The following ARL13B variants were observed in gnomAD, a reference collection of about 807,000 sequenced individuals.
ARL13B encodes the protein ARF like GTPase 13B, also known as ADP-ribosylation factor-like protein 13B.
A neutral mutation model predicts 56.1 loss-of-function variants in ARL13B; 36 were observed. The ratio of observed to expected loss-of-function variants is 0.64; its 90% confidence interval spans 0.49 to 0.85. The LOEUF (loss-of-function observed/expected upper bound fraction) is 0.85, where lower values mean the gene tolerates loss of function less well. Ranked by LOEUF, ARL13B falls within the 40% of genes least tolerant of loss-of-function variation. The probability of loss-of-function intolerance (pLI) is 0.00; values close to 1 mark genes in which losing one functional copy is unlikely to be tolerated. For missense variants in ARL13B, 519 were observed against 507.1 expected (o/e 1.02, Z -0.23); for synonymous variants, 178 against 171.1 (o/e 1.04, Z -0.32).
intron 1 of ARL13B, among the ~76,000 whole-genome samples, chr3:93,985,909 T>C (rs954477183): frequency 5.9e-5 from 9 of 152,214 alleles, no homozygotes; most frequent in Admixed American, 5.9e-4. Flanking sequence ...ATGTTTCTAG[T>C]GGTCTGTTTT....
At chr3:94,038,157 A>C (rs948408899) in intron 5 of ARL13B, among the ~76,000 whole-genome samples, 2 of 152,214 alleles carry the variant, frequency 1.3e-5, no homozygotes, top group East Asian at 3.8e-4. Flanking sequence ...TTGCTTACTA[A>C]TAAATAAAAT....
chr3:94,005,924 G>A (rs2076126517), intron 3 of ARL13B, among the ~76,000 whole-genome samples: 1 of 151,990 alleles, frequency 6.6e-6, no homozygotes, highest in Admixed American at 6.6e-5. Context: ...TACCATCCAG[G>A]GCCAGCCACC....
intron 3 of ARL13B, among the ~76,000 whole-genome samples, chr3:94,011,141 T>C (rs1450478319): frequency 6.6e-6 from 1 of 152,152 alleles, no homozygotes; most frequent in Non-Finnish European, 1.5e-5. Flanking sequence ...TTTTGTATTG[T>C]TTATGAAATA....
At chr3:94,034,355 C>G (rs2076731050) in intron 3 of ARL13B, among the ~76,000 whole-genome samples, 1 of 151,788 alleles carries the variant, frequency 6.6e-6, no homozygotes, top group Non-Finnish European at 1.5e-5. Context: ...CCTAAAGAGT[C>G]TGTCAAACTT....
intron 5 of ARL13B, among the ~76,000 whole-genome samples, chr3:94,038,370 A>G (rs1185295315): frequency 6.6e-6 from 1 of 152,128 alleles, no homozygotes; most frequent in Non-Finnish European, 1.5e-5. Flanking sequence ...GGTTCATAAT[A>G]AAAGGATATG....
chr3:94,003,487 A>G (rs1036939018), intron 2 of ARL13B, among the ~76,000 whole-genome samples, 172 bp from the exon 3 acceptor site: 4 of 152,180 alleles, frequency 2.6e-5, no homozygotes, highest in Non-Finnish European at 5.9e-5. Context: ...GCATGGAGTA[A>G]AATTTCTAGT....
chr3:94,019,882 C>A (rs1383969220), intron 3 of ARL13B, among the ~76,000 whole-genome samples: 2 of 152,162 alleles, frequency 1.3e-5, no homozygotes, highest in African/African-American at 2.4e-5. Context: ...AGTGTTCTTT[C>A]CCATGTAGTA....
chr3:94,026,217 C>T (rs185290480), intron 3 of ARL13B, among the ~76,000 whole-genome samples: 1 of 152,214 alleles, frequency 6.6e-6, no homozygotes, highest in Non-Finnish European at 1.5e-5. Flanking sequence ...GATGGGGTTT[C>T]ACCGTGTGAG....
chr3:94,030,321 G>A (rs565546675), intron 3 of ARL13B, among the ~76,000 whole-genome samples: 1 of 152,014 alleles, frequency 6.6e-6, no homozygotes, highest in African/African-American at 2.4e-5. Context: ...CTGCCTCCTG[G>A]GTTCAAGCGA....
chr3:93,990,709 G>A (rs1166155170), intron 1 of ARL13B, among the ~76,000 whole-genome samples: 2 of 152,084 alleles, frequency 1.3e-5, no homozygotes, highest in Admixed American at 6.5e-5. Context: ...TTGTTGTATT[G>A]AGTTGTGACT....
chr3:94,011,743 T>C (rs747953122), intron 3 of ARL13B, among the ~76,000 whole-genome samples: 2 of 152,136 alleles, frequency 1.3e-5, no homozygotes, highest in Non-Finnish European at 2.9e-5. Flanking sequence ...GCTTTCATGT[T>C]TCTTGCCTGG....
chr3:94,003,969 T>A, intron 3 of ARL13B, 61 bp downstream of exon 3: 2 of 1,606,724 alleles, frequency 1.2e-6, no homozygotes, highest in South Asian at 1.1e-5. Flanking sequence ...TAAAGAAATT[T>A]ACCTGTTACA....
At position 94,035,333 on chromosome 3, in the gene ARL13B, TG is replaced by T; in HGVS notation, c.385del (p.Ala129GlnfsTer10). On this transcript the variant is annotated frameshift_variant, in exon 4 of 10. Coordinates refer to ENST00000394222, the MANE Select transcript of ARL13B (RefSeq NM_001174150.2). LOFTEE classifies it high-confidence loss of function. ...PRISGKPILVLANKQDKEGAL... is the reference protein window; with the variant it reads ...PRISGKPILVXANKQDKEGAL... Reference sequence around the variant, plus strand: ...AAAGTACTTTAATTATCTTTCAGGTTGGCAAATAAACAAGATAAAGAAGGAG... The same window carrying T: ...AAAGTACTTTAATTATCTTTCAGGTTGCAAATAAACAAGATAAAGAAGGAG... 2 of 1,602,580 alleles carry T rather than the reference TG, an allele frequency of 1.2e-6. No individual in the cohort carries two copies. Among genetic ancestry groups the T allele is most frequent in the Non-Finnish European group, 1.7e-6 (2 of 1,171,546 alleles).
chr3:94,028,983 GAGAAC>G (rs1487178277), intron 3 of ARL13B, among the ~76,000 whole-genome samples: 2 of 151,952 alleles, frequency 1.3e-5, no homozygotes, highest in Non-Finnish European at 2.9e-5. Flanking sequence ...ATTTCAGAAG[GAGAAC>G]ATCCAGGAAA....
At chr3:94,039,398 G>A (rs1337551187) in intron 5 of ARL13B, among the ~76,000 whole-genome samples, 1 of 151,220 alleles carries the variant, frequency 6.6e-6, no homozygotes, top group Non-Finnish European at 1.5e-5. Context: ...TACTCAGGAG[G>A]CTGAGGCAGG....
intron 6 of ARL13B, among the ~76,000 whole-genome samples, chr3:94,042,147 TAAA>T (rs2076874979): frequency 6.6e-6 from 1 of 152,214 alleles, no homozygotes; most frequent in Non-Finnish European, 1.5e-5. Context: ...AACACTAAGT[TAAA>T]TAAAAATATG....
intron 9 of ARL13B, among the ~76,000 whole-genome samples, chr3:94,051,707 G>T (rs1365500984): frequency 6.6e-6 from 1 of 152,032 alleles, no homozygotes; most frequent in Non-Finnish European, 1.5e-5. Flanking sequence ...TGTTTACCTA[G>T]TCTAGAACTT....
chr3:94,012,304 A>G (rs1003435586), intron 3 of ARL13B, among the ~76,000 whole-genome samples: 3 of 152,156 alleles, frequency 2.0e-5, no homozygotes, highest in Non-Finnish European at 4.4e-5. Context: ...GGACCTTTTA[A>G]TAGTCATTTC....
intron 5 of ARL13B, among the ~76,000 whole-genome samples, chr3:94,037,616 G>A (rs2076791271): frequency 6.6e-6 from 1 of 152,076 alleles, no homozygotes; most frequent in African/African-American, 2.4e-5. Context: ...TAGTTCCTGT[G>A]AGAATATTTG....
Sources: gnomAD v4.1 joint callset for allele counts (sites outside exome capture counted in the v4.1 genomes callset) on GRCh38, gnomAD v4.1.1 for gene constraint, MANE v1.5 for transcripts, NCBI Gene and HGNC (gene_info 2026-07-23, HGNC 2026-07-21) for gene names.